Variants in TIAM1 observed in about 807,000 individuals in gnomAD.
TIAM1 encodes rho guanine nucleotide exchange factor TIAM1.
Under a neutral mutation model 163.5 loss-of-function variants are expected in TIAM1, and 65 were observed. That is an observed-to-expected ratio of 0.40 (90% CI 0.33 to 0.49). The LOEUF is 0.49. Ranked by LOEUF, TIAM1 falls within the 20% of genes least tolerant of loss-of-function variation. The pLI is 0.77. For missense variants in TIAM1, 1,789 were observed against 2,044.7 expected (o/e 0.87, Z 2.41); for synonymous variants, 833 against 810.1 (o/e 1.03, Z -0.48).
rs183988134 is a variant in TIAM1, at chr21:31,545,871, C to A, written c.-422+13056G>T. 1.2e-4 allele frequency among the ~76,000 whole-genome samples: 18 copies of A among 152,160 alleles called. No homozygotes were observed. In the South Asian group the frequency reaches 2.9e-3, roughly 25 times the overall value. ...TCCATGTGTAAAGTGGATTACAAAA[C>A]GAGAAAATATGACTTTGGGGGGCTT... On this transcript the variant is annotated intron_variant, in intron 1 of 28. Coordinates refer to the TIAM1 transcript ENST00000286827.
intron 1 of TIAM1, among the ~76,000 whole-genome samples, chr21:31,531,863 T>G (rs1032243707): frequency 6.6e-6 from 1 of 151,778 alleles, no homozygotes; most frequent in Non-Finnish European, 1.5e-5. Context: ...ATGCTTATAA[T>G]CCCAGCACTT....
At chr21:31,460,499 C>T (rs2045283406) in intron 2 of TIAM1, among the ~76,000 whole-genome samples, 1 of 152,282 alleles carries the variant, frequency 6.6e-6, no homozygotes, top group East Asian at 1.9e-4. Flanking sequence ...TGGTGGTGGG[C>T]ACCTGTAATC....
intron 26 of TIAM1, among the ~76,000 whole-genome samples, chr21:31,126,378 C>T (rs1453853693): frequency 6.6e-6 from 1 of 152,036 alleles, no homozygotes; most frequent in East Asian, 1.9e-4. Context: ...ACCATCCTGG[C>T]TAACATGGTG....
chr21:31,519,746 G>C (rs534564631), intron 1 of TIAM1, among the ~76,000 whole-genome samples: 1 of 152,238 alleles, frequency 6.6e-6, no homozygotes, highest in South Asian at 2.1e-4. Flanking sequence ...ATTCTGGCAC[G>C]CACTGCAACA....
chr21:31,324,338 G>C (rs564818331), intron 2 of TIAM1, among the ~76,000 whole-genome samples: 2 of 152,190 alleles, frequency 1.3e-5, no homozygotes, highest in South Asian at 4.2e-4. Context: ...GGGCGACGGA[G>C]AGAAACTCTG....
intron 17 of TIAM1, 60 bp from the exon 18 acceptor site, chr21:31,153,194 C>T: frequency 1.5e-6 from 2 of 1,373,112 alleles, no homozygotes; most frequent in South Asian, 1.3e-5. Context: ...TACCCTAGAA[C>T]TTAAAGTATA....
chr21:31,278,849 T>C (rs920748212), intron 2 of TIAM1, among the ~76,000 whole-genome samples: 2 of 152,162 alleles, frequency 1.3e-5, no homozygotes, highest in Non-Finnish European at 2.9e-5. Context: ...TCTCTGCGAA[T>C]TTCCGAATTT....
intron 2 of TIAM1, among the ~76,000 whole-genome samples, chr21:31,287,168 A>T (rs562608322): frequency 7.9e-5 from 12 of 152,248 alleles, no homozygotes; most frequent in Admixed American, 3.3e-4. Context: ...TCTTAGTGGT[A>T]TGCAAAATAG....
upstream of TIAM1, among the ~76,000 whole-genome samples, chr21:31,346,856 T>A (rs1020216970): frequency 5.9e-5 from 9 of 152,156 alleles, no homozygotes; most frequent in African/African-American, 1.4e-4. Context: ...GGTCTCATGA[T>A]TACCTAAGAA....
intron 1 of TIAM1, among the ~76,000 whole-genome samples, chr21:31,511,763 A>G (rs2047217242): frequency 6.6e-6 from 1 of 152,252 alleles, no homozygotes; most frequent in African/African-American, 2.4e-5. Context: ...ACTTTGCAGA[A>G]AGGGAAAATG....
At chr21:31,136,357 TG>T (rs1311793055) in intron 22 of TIAM1, among the ~76,000 whole-genome samples, 1 of 152,212 alleles carries the variant, frequency 6.6e-6, no homozygotes, top group African/African-American at 2.4e-5. Context: ...GATTTGTGAC[TG>T]TCTCAATAAA....
In TIAM1 at chr21:31,141,005, A is replaced by C; in HGVS notation, c.3774+113T>G. The C allele has an allele frequency of 1.3e-6, 1 of 764,582 alleles. No homozygotes were observed. The highest frequency in any genetic ancestry group is 4.0e-4 in the Middle Eastern group (1 of 2,518). 47.4% of individuals were successfully genotyped at this position (764,582 alleles called of 1,614,324 possible). A position where few individuals can be genotyped will look rare whatever the true frequency, so the allele number is the denominator to read the frequency against. On this transcript the variant is annotated intron_variant, in intron 22 of 27. Coordinates refer to ENST00000541036, the MANE Select transcript of TIAM1 (RefSeq NM_001353694.2). The surrounding 1 kb of genome is among the most constrained non-coding windows in gnomAD (Gnocchi z 4.7). ...ATGTTCCACTAAGAAAAACAACAGC[A>C]TCCTAACTATTTTACTTACAAGTAA...
chr21:31,323,831 C>A (rs12481889), intron 2 of TIAM1, among the ~76,000 whole-genome samples: 27,090 of 151,218 alleles, frequency 0.18, 2,432 homozygotes, highest in Middle Eastern at 0.2. Context: ...ACTCTGTCTC[C>A]AAAAAGAAAC....
chr21:31,458,560 T>C (rs569421492), intron 2 of TIAM1, among the ~76,000 whole-genome samples: 2 of 152,350 alleles, frequency 1.3e-5, no homozygotes, highest in East Asian at 1.9e-4. Flanking sequence ...TACCAGACAC[T>C]GTCCAACTGA....
At chr21:31,420,146 A>T (rs2043515626) in intron 2 of TIAM1, among the ~76,000 whole-genome samples, 1 of 152,250 alleles carries the variant, frequency 6.6e-6, no homozygotes, top group South Asian at 2.1e-4. Context: ...AATATCTGTC[A>T]GGAGAACCTG....
chr21:31,382,129 A>C (rs2076788565), intron 2 of TIAM1, among the ~76,000 whole-genome samples: 2 of 152,224 alleles, frequency 1.3e-5, no homozygotes, highest in African/African-American at 4.8e-5. Flanking sequence ...GAATTAGAGA[A>C]TGAAAAGAGG....
intron 1 of TIAM1, among the ~76,000 whole-genome samples, chr21:31,482,431 C>T: frequency 6.6e-6 from 1 of 152,152 alleles, no homozygotes; most frequent in Non-Finnish European, 1.5e-5. Context: ...TGATTACAGG[C>T]ACGCACCTGG....
chr21:31,218,555 C>T (rs1046799989), intron 8 of TIAM1, among the ~76,000 whole-genome samples: 1 of 147,950 alleles, frequency 6.8e-6, no homozygotes. Flanking sequence ...GGCGACAGAA[C>T]GAGACTCTTT....
chr21:31,406,788 C>A (rs544689838), intron 2 of TIAM1, among the ~76,000 whole-genome samples: 33 of 151,954 alleles, frequency 2.2e-4, no homozygotes, highest in Middle Eastern at 3.4e-3. Flanking sequence ...GTCACTCTAC[C>A]CCTCCTCATT....
Sources: allele counts gnomAD v4.1 joint callset (sites outside exome capture counted in the v4.1 genomes callset), GRCh38; gene constraint gnomAD v4.1.1; non-coding constraint Gnocchi (gnomAD v3.1); transcripts MANE v1.5; gene names NCBI Gene and HGNC (gene_info 2026-07-23, HGNC 2026-07-21).